Variants in KDM3B observed in about 807,000 individuals in gnomAD.
KDM3B encodes the protein lysine demethylase 3B, also known as lysine-specific demethylase 3B.
In KDM3B, 10 loss-of-function variants were observed where a neutral mutation model predicts 170.0. That is an observed-to-expected ratio of 0.06 (90% CI 0.04 to 0.10). The LOEUF is 0.10. KDM3B is among the 10% of genes least tolerant of loss of function. The pLI, the probability that KDM3B is intolerant of heterozygous loss-of-function variation, is 1.00. For missense variants in KDM3B, 1,394 were observed against 2,195.2 expected (o/e 0.64, Z 7.29); for synonymous variants, 831 against 834.8 (o/e 1.00, Z 0.08).
intron 2 of KDM3B, among the ~76,000 whole-genome samples, chr5:138,374,479 C>T (rs926546126): frequency 2.3e-4 from 35 of 152,102 alleles, no homozygotes; most frequent in Middle Eastern, 6.8e-3. Context: ...AAGATGGTCT[C>T]GATCTCCTGA....
chr5:138,371,371 G>C (rs541540509), intron 1 of KDM3B, among the ~76,000 whole-genome samples: 1 of 150,750 alleles, frequency 6.6e-6, no homozygotes, highest in Non-Finnish European at 1.5e-5. Context: ...AGGGAGAATT[G>C]CTTGAGCCTA....
At chr5:138,362,857 G>T (rs1020494353) in intron 1 of KDM3B, among the ~76,000 whole-genome samples, 3 of 148,908 alleles carry the variant, frequency 2.0e-5, no homozygotes, top group Admixed American at 6.7e-5. Flanking sequence ...TTTACATTAG[G>T]TATATCTCCT....
intron 16 of KDM3B, among the ~76,000 whole-genome samples, chr5:138,424,781 AAATAAATAAAT>A (rs1342982862): frequency 2.0e-5 from 3 of 152,198 alleles, no homozygotes; most frequent in Non-Finnish European, 4.4e-5. Context: ...TCCACCTCAA[AAATAAATAAAT>A]AATAAATAAA....
intron 5 of KDM3B, among the ~76,000 whole-genome samples, chr5:138,380,944 G>A (rs1580895328): frequency 6.6e-6 from 1 of 151,062 alleles, no homozygotes. Context: ...GCACGATCTC[G>A]GCTCACTGCA....
At chr5:138,418,399 G>A (rs538251853) in intron 13 of KDM3B, among the ~76,000 whole-genome samples, 2 of 151,998 alleles carry the variant, frequency 1.3e-5, no homozygotes, top group Non-Finnish European at 2.9e-5. Flanking sequence ...CTTCAGACAC[G>A]CACAACCAAC....
intron 11 of KDM3B, among the ~76,000 whole-genome samples, chr5:138,407,049 G>A (rs527811032): frequency 1.4e-5 from 2 of 144,266 alleles, no homozygotes; most frequent in South Asian, 2.2e-4. Flanking sequence ...GCAGTGGCAC[G>A]ATCTCAGCCC....
intron 12 of KDM3B, among the ~76,000 whole-genome samples, chr5:138,416,353 G>A (rs1763103166): frequency 6.6e-6 from 1 of 152,110 alleles, no homozygotes; most frequent in South Asian, 2.1e-4. Context: ...ACTTTGGGAG[G>A]TTGAGGCGGG....
intron 1 of KDM3B, among the ~76,000 whole-genome samples, chr5:138,363,802 T>C (rs1257748390): frequency 1.3e-5 from 2 of 152,200 alleles, no homozygotes; most frequent in African/African-American, 4.8e-5. Context: ...TGCTTTGGCC[T>C]CCCAAAGTGC....
At chr5:138,420,607 G>A in intron 14 of KDM3B, 99 bp from the exon 15 acceptor site, 2 of 1,311,362 alleles carry the variant, frequency 1.5e-6, no homozygotes, top group South Asian at 2.5e-5. Flanking sequence ...GGAAAGGAGA[G>A]AATCTTTCCT....
chr5:138,370,728 G>A (rs1338778688), intron 1 of KDM3B, among the ~76,000 whole-genome samples: 1 of 152,088 alleles, frequency 6.6e-6, no homozygotes, highest in African/African-American at 2.4e-5. Context: ...CTCCACAGTT[G>A]CCAGTTGGGA....
chr5:138,420,736 A>G lies in KDM3B; in HGVS notation c.3746A>G (p.Lys1249Arg), dbSNP rs1763251145. The G allele has an allele frequency of 6.2e-7, 1 of 1,613,980 alleles. No individual in the cohort carries two copies. Among genetic ancestry groups the G allele is most frequent in the Non-Finnish European group, 8.5e-7 (1 of 1,180,018 alleles). ...GGGTCCCTGAGGTCGGTGCTCAATA[A>G]AGAGTCTCATTCACCCTTTGGGCTG... The part of the protein sequence containing the change: ...EAGSLRSVLN[K>R]ESHSPFGLDS... The change falls in exon 15 of 24, where the codon AAA (lysine) becomes AGA (arginine). Residue 1249 changes from lysine to arginine, a missense_variant. Around this residue, in one of 19 missense-constraint regions of KDM3B, gnomAD observed 137 missense variants for 166.9 expected, o/e 0.82. Coordinates refer to ENST00000314358, the MANE Select transcript of KDM3B (RefSeq NM_016604.4).
At chr5:138,426,927 C>T (rs751520161) in intron 17 of KDM3B, 48 bp from the exon 18 acceptor site, 10 of 1,395,922 alleles carry the variant, frequency 7.2e-6, no homozygotes, top group Non-Finnish European at 9.1e-6. Context: ...GAAAATCGGA[C>T]ACCAGCCAAA....
chr5:138,355,100 C>T (rs1264265444), intron 1 of KDM3B, among the ~76,000 whole-genome samples: 1 of 152,176 alleles, frequency 6.6e-6, no homozygotes, highest in Admixed American at 6.5e-5. Flanking sequence ...AACTGTCTTC[C>T]AATCAAAAGT....
chr5:138,383,840 C>G (rs1762184580), intron 6 of KDM3B, among the ~76,000 whole-genome samples: 1 of 151,792 alleles, frequency 6.6e-6, no homozygotes. Context: ...ATCCCAGCTA[C>G]TTGGGAGGCT....
intron 12 of KDM3B, among the ~76,000 whole-genome samples, chr5:138,415,860 G>A (rs1269502616): frequency 6.6e-6 from 1 of 152,100 alleles, no homozygotes; most frequent in East Asian, 1.9e-4. Flanking sequence ...TCCCATTCCT[G>A]TGGTTGGCTG....
rs1046367095 is a variant in KDM3B, at chr5:138,365,837, A to T, written c.193-6837A>T. Among the ~76,000 whole-genome samples the T allele has an allele frequency of 3.3e-5, 5 of 151,918 alleles. No homozygotes were observed. In the South Asian group the frequency reaches 1.0e-3, roughly 32 times the overall value. On this transcript the variant is annotated intron_variant, in intron 1 of 23. Transcript: ENST00000314358. ...AACATGGTGAAACCCCGTCTCTACTAAAAATACAAAAATTAGCCGGGCGTG... is the reference window on the plus strand; with the variant it reads ...AACATGGTGAAACCCCGTCTCTACTTAAAATACAAAAATTAGCCGGGCGTG...
chr5:138,367,357 A>G (rs536668123), intron 1 of KDM3B, among the ~76,000 whole-genome samples: 2 of 152,198 alleles, frequency 1.3e-5, no homozygotes, highest in African/African-American at 2.4e-5. Flanking sequence ...TAATTATAGT[A>G]AGAATGGCCT....
chr5:138,370,375 T>G (rs760536275), intron 1 of KDM3B, among the ~76,000 whole-genome samples: 1 of 152,218 alleles, frequency 6.6e-6, no homozygotes, highest in Non-Finnish European at 1.5e-5. Context: ...TTGTTGCCTG[T>G]GAAGAGATTA....
intron 12 of KDM3B, among the ~76,000 whole-genome samples, chr5:138,417,069 G>C (rs1404851901): frequency 6.6e-6 from 1 of 152,134 alleles, no homozygotes; most frequent in African/African-American, 2.4e-5. Flanking sequence ...CAATTCTTCC[G>C]CCTTGGCCTC....
Sources: allele counts gnomAD v4.1 joint callset (sites outside exome capture counted in the v4.1 genomes callset), GRCh38; gene constraint gnomAD v4.1.1; regional missense constraint gnomAD v4.1.1; transcripts MANE v1.5; gene names NCBI Gene and HGNC (gene_info 2026-07-23, HGNC 2026-07-21).